The following MAD1L1 variants were observed in gnomAD, a reference collection of about 807,000 sequenced individuals.
MAD1L1 encodes mitotic arrest deficient 1 like 1.
MAD1L1 carries 95 observed loss-of-function variants against 96.9 expected under a neutral mutation model. That is an observed-to-expected ratio of 0.98 (90% CI 0.83 to 1.16). The LOEUF (loss-of-function observed/expected upper bound fraction) is 1.16. Ranked by LOEUF, MAD1L1 falls within the 50% of genes most tolerant of loss-of-function variation. The pLI is 0.00. For synonymous variants in MAD1L1, 473 were observed against 396.6 expected, an observed-to-expected ratio of 1.19 and a Z score of -2.29; for missense variants, 1,007 against 954.4, an observed-to-expected ratio of 1.06 and a Z score of -0.73.
chr7:2,108,059 GC>G (rs1315158969), intron 11 of MAD1L1, among the ~76,000 whole-genome samples: 3 of 150,588 alleles, frequency 2.0e-5, no homozygotes, highest in Non-Finnish European at 3.0e-5. Context: ...TTTAAAACTT[GC>G]TGACCAAAAA....
chr7:2,211,388 T>C (rs1246689254), intron 10 of MAD1L1, among the ~76,000 whole-genome samples: 1 of 152,148 alleles, frequency 6.6e-6, no homozygotes, highest in Admixed American at 6.5e-5. Flanking sequence ...GGATCCACAG[T>C]ACTTTGAAAC....
chr7:1,858,339 C>G (rs1311076895), intron 18 of MAD1L1, among the ~76,000 whole-genome samples: 1 of 152,256 alleles, frequency 6.6e-6, no homozygotes, highest in Non-Finnish European at 1.5e-5. Context: ...CTGGCCCACT[C>G]TGGGCATGAC....
chr7:2,018,784 G>A (rs1265596659), intron 12 of MAD1L1, among the ~76,000 whole-genome samples: 3 of 151,782 alleles, frequency 2.0e-5, no homozygotes, highest in Admixed American at 6.6e-5. Context: ...ACTCCCGCCC[G>A]GCCTCTGCCA....
chr7:1,931,463 G>C (rs969836323), intron 17 of MAD1L1, among the ~76,000 whole-genome samples: 1 of 152,216 alleles, frequency 6.6e-6, no homozygotes, highest in African/African-American at 2.4e-5. Context: ...AGGGAACAGC[G>C]GTCTCCACAC....
At chr7:1,985,105 G>A (rs181504862) in intron 14 of MAD1L1, among the ~76,000 whole-genome samples, 2 of 152,292 alleles carry the variant, frequency 1.3e-5, no homozygotes, top group East Asian at 1.9e-4. Flanking sequence ...CAGGACCTGG[G>A]GTACTCAGAT....
intron 10 of MAD1L1, among the ~76,000 whole-genome samples, chr7:2,178,020 T>C (rs1791025240): frequency 6.6e-6 from 1 of 152,202 alleles, no homozygotes; most frequent in South Asian, 2.1e-4. Context: ...AAACCCTAGA[T>C]CTAACAGGAT....
chr7:2,112,070 C>T (rs1449700018), intron 11 of MAD1L1, among the ~76,000 whole-genome samples: 3 of 152,196 alleles, frequency 2.0e-5, no homozygotes, highest in Admixed American at 6.5e-5. Flanking sequence ...CACTCAGCAA[C>T]GAAAAGCAGC....
intron 11 of MAD1L1, among the ~76,000 whole-genome samples, chr7:2,139,998 C>CG (rs1268053774): frequency 6.9e-6 from 1 of 144,076 alleles, no homozygotes; most frequent in African/African-American, 2.8e-5. Flanking sequence ...CCCGCCCCCC[C>CG]CCAGTCCCTG....
chr7:2,113,142 G>T (rs1433717406), intron 11 of MAD1L1, among the ~76,000 whole-genome samples: 1 of 151,896 alleles, frequency 6.6e-6, no homozygotes, highest in Non-Finnish European at 1.5e-5. Context: ...AAACGGGGAC[G>T]AGGGGCAGAG....
Position 1,953,023 on chromosome 7 carries a change from C to T in MAD1L1, c.1596+4606G>A, listed in dbSNP as rs535718346. On this transcript the variant is annotated intron_variant, in intron 16 of 18. Coordinates refer to ENST00000265854, the MANE Select transcript of MAD1L1 (RefSeq NM_001013836.2). ...GGGCAGCTGTGGCTCCAGGAGGGAA[C>T]GCGGCCCTCTCCCAGGGCAGCTGCA... Among the ~76,000 whole-genome samples, 348 of 152,266 alleles carry T rather than the reference C, an allele frequency of 2.3e-3. 3 individuals are homozygous for T. The highest frequency in any genetic ancestry group is 7.8e-3 in the African/African-American group (324 of 41,564).
At chr7:2,079,849 G>A in intron 11 of MAD1L1, 1 of 434,876 alleles carries the variant, frequency 2.3e-6, no homozygotes, top group Non-Finnish European at 4.8e-6. Flanking sequence ...ACCTCCCCAG[G>A]CTCTACTAAA....
chr7:2,072,944 C>T (rs981532218), intron 11 of MAD1L1, among the ~76,000 whole-genome samples: 1 of 152,256 alleles, frequency 6.6e-6, no homozygotes, highest in Non-Finnish European at 1.5e-5. Context: ...GTAACGCACA[C>T]CCACAGGACA....
intron 10 of MAD1L1, among the ~76,000 whole-genome samples, chr7:2,164,299 T>C (rs1296688253): frequency 6.6e-6 from 1 of 152,130 alleles, no homozygotes; most frequent in African/African-American, 2.4e-5. Context: ...GAGAACAGCC[T>C]GGCACAGCAG....
intron 18 of MAD1L1, among the ~76,000 whole-genome samples, chr7:1,839,428 G>A (rs1783121067): frequency 6.6e-6 from 1 of 151,844 alleles, no homozygotes. Context: ...GGAGTGCTTG[G>A]CTCTCAGGCC....
At chr7:2,120,671 C>T (rs1273861227) in intron 11 of MAD1L1, among the ~76,000 whole-genome samples, 1 of 152,192 alleles carries the variant, frequency 6.6e-6, no homozygotes, top group Non-Finnish European at 1.5e-5. Context: ...AAAACCAAGG[C>T]GTTTCAGAAA....
chr7:1,830,312 G>A (rs1200850175), intron 18 of MAD1L1, among the ~76,000 whole-genome samples: 3 of 152,194 alleles, frequency 2.0e-5, no homozygotes, highest in East Asian at 1.9e-4. Flanking sequence ...CAGGAGAATC[G>A]CTTTAACCTG....
chr7:1,940,506 T>C (rs1245354853), intron 16 of MAD1L1: 1 of 152,216 alleles, frequency 6.6e-6, no homozygotes, highest in African/African-American at 2.4e-5. Flanking sequence ...GGGGCCTCTG[T>C]GGGCTGGACA....
chr7:2,165,937 CA>C (rs1790408973), intron 10 of MAD1L1, among the ~76,000 whole-genome samples: 1 of 152,186 alleles, frequency 6.6e-6, no homozygotes, highest in Non-Finnish European at 1.5e-5. Context: ...CCTGGAACTC[CA>C]GTGTGGTTAC....
intron 14 of MAD1L1, among the ~76,000 whole-genome samples, chr7:1,986,874 A>G (rs1271440735): frequency 6.6e-6 from 1 of 152,046 alleles, no homozygotes; most frequent in East Asian, 1.9e-4. Context: ...CTGTATTCTC[A>G]GAGTAGCCAA....
Sources: gnomAD v4.1 joint callset for allele counts (sites outside exome capture counted in the v4.1 genomes callset) on GRCh38, gnomAD v4.1.1 for gene constraint, MANE v1.5 for transcripts, NCBI Gene and HGNC (gene_info 2026-07-23, HGNC 2026-07-21) for gene names.